Variants in SLFNL1 observed in about 807,000 individuals in gnomAD.
SLFNL1 encodes schlafen-like protein 1.
Under a neutral mutation model 32.5 loss-of-function variants are expected in SLFNL1, and 26 were observed. The ratio of observed to expected loss-of-function variants is 0.80; its 90% CI spans 0.59 to 1.11. The LOEUF is 1.11. Ranked by LOEUF, SLFNL1 falls within the 50% of genes least tolerant of loss-of-function variation. The pLI is 0.00. For synonymous variants in SLFNL1, 255 were observed against 242.2 expected (o/e 1.05, Z -0.49); for missense variants, 553 against 546.5 (o/e 1.01, Z -0.12).
At chr1:41,016,714 ATT>A (rs201378730) in intron 5 of SLFNL1, 48 of 146,034 alleles carry the variant, frequency 3.3e-4, no homozygotes, top group Non-Finnish European at 5.5e-4. Flanking sequence ...ACTGCATAGG[ATT>A]TTTTTTTTTT....
intron 3 of SLFNL1, among the ~76,000 whole-genome samples, chr1:41,018,828 GT>G (rs34061852): frequency 0.11 from 6,514 of 60,206 alleles, 40 homozygotes; most frequent in Middle Eastern, 0.19. Flanking sequence ...CAACCCTCCT[GT>G]TTTTTTTTTT....
chr1:41,016,366 C>T (rs1643326398), intron 5 of SLFNL1, 138 bp from the exon 6 acceptor site: 3 of 1,345,784 alleles, frequency 2.2e-6, no homozygotes, highest in Admixed American at 2.5e-5. Context: ...AAAGTCAGGC[C>T]CCTCGGCCTG....
At position 41,020,514 on chromosome 1, in the gene SLFNL1, G is replaced by A. The variant is rs140351391; in HGVS notation, c.147C>T (p.Leu49=). The part of the protein sequence containing the change: ...DLEEAPSAHT[L]YVGHLNPQFS... ...ACTGGGGGTTCAGATGGCCCACATAGAGAGTGTGCGCCGAGGGAGCCTCCT... is the reference window on the plus strand; with the variant it reads ...ACTGGGGGTTCAGATGGCCCACATAAAGAGTGTGCGCCGAGGGAGCCTCCT... The change falls in exon 3 of 6, where the codon CTC becomes CTT. Residue 49 remains leucine, a synonymous_variant. Coordinates refer to ENST00000302946, the MANE Select transcript of SLFNL1 (RefSeq NM_144990.4). 5.6e-6 allele frequency: 9 copies of A among 1,613,112 alleles called. No homozygotes were observed. Among genetic ancestry groups the A allele is most frequent in the Middle Eastern group, 1.7e-4 (1 of 6,052 alleles).
rs1643399702 is a variant in SLFNL1 at position 41,017,120 on chromosome 1, G to C, written c.1101+114C>G. On this transcript the variant is annotated intron_variant, in intron 5 of 5. Coordinates refer to ENST00000302946, the MANE Select transcript of SLFNL1 (RefSeq NM_144990.4). The surrounding 1 kb of genome is among the most constrained non-coding windows in gnomAD (Gnocchi z 4.9). ...TATTCCAACCCCTTGGGTTCAACGG[G>C]GTGATGCAGGACCCAGGGAACCATG... 2.3e-6 allele frequency: 3 copies of C among 1,308,644 alleles called. No individual in the cohort carries two copies. The South Asian group carries it at 4.6e-5, about 20-fold the overall frequency. 81.1% of individuals were successfully genotyped at this position (1,308,644 alleles called of 1,614,324 possible). A position where few individuals can be genotyped will look rare whatever the true frequency, so the allele number is the denominator to read the frequency against.
At position 41,016,968 on chromosome 1, in the gene SLFNL1, A is replaced by G. The variant is rs895302436; in HGVS notation, c.1101+266T>C. The G allele has an allele frequency of 3.0e-5, 10 of 331,984 alleles. No individual in the cohort carries two copies. The East Asian group carries it at 5.4e-4, about 18-fold the overall frequency. 20.6% of individuals were successfully genotyped at this position (331,984 alleles called of 1,614,324 possible). On this transcript the variant is annotated intron_variant, in intron 5 of 5. Coordinates refer to ENST00000302946, the MANE Select transcript of SLFNL1 (RefSeq NM_144990.4). ...TGTGATCTGTTCGCCTCATCCTCCC[A>G]AAGTGCTGGGATTACAGGCGTGAGC...
rs751023739 is a variant in SLFNL1 at position 41,017,767 on chromosome 1, G to A, written c.825C>T (p.His275=). The change falls in exon 4 of 6, where the codon CAC becomes CAT. Residue 275 remains histidine (H), a synonymous_variant. Transcript: ENST00000302946. The surrounding 1 kb of genome is among the most constrained non-coding windows in gnomAD (Gnocchi z 4.9). The part of the protein sequence containing the change: ...SGLVQGIRCS[H]RDEDRARLLV... ...GCAGGCGTGCGCGGTCCTCGTCACGGTGGCTGCAGCGGATGCCCTGCACCA... is the reference window on the plus strand; with the variant it reads ...GCAGGCGTGCGCGGTCCTCGTCACGATGGCTGCAGCGGATGCCCTGCACCA... 35 of 1,607,684 alleles carry A rather than the reference G, an allele frequency of 2.2e-5. No homozygotes were observed. Among genetic ancestry groups the A allele is most frequent in the Non-Finnish European group, 2.9e-5 (34 of 1,175,910 alleles).
rs1374109131 is a variant in SLFNL1, at chr1:41,017,580, T to C, written c.957+55A>G. ...CCTGGCAGGAGTGCAGGCCATCGTC[T>C]TACTGAGTGATGACAGATGACAGGC... is the stretch of plus-strand genomic sequence containing the variant. On this transcript the variant is annotated intron_variant, in intron 4 of 5. Coordinates refer to ENST00000302946, the MANE Select transcript of SLFNL1 (RefSeq NM_144990.4). This position sits in a 1 kb window ranked among gnomAD's most constrained non-coding sequence, Gnocchi z 4.9. 3.3e-6 allele frequency: 5 copies of C among 1,507,916 alleles called. No homozygotes were observed. The African/African-American group carries it at 5.6e-5, about 17-fold the overall frequency. 93.4% of individuals were successfully genotyped at this position (1,507,916 alleles called of 1,614,324 possible).
intron 3 of SLFNL1, among the ~76,000 whole-genome samples, chr1:41,019,832 T>C (rs1157041336): frequency 6.6e-6 from 1 of 152,160 alleles, no homozygotes; most frequent in African/African-American, 2.4e-5. Context: ...TGGCTGGGCC[T>C]CTCATCCCTG....
chr1:41,016,023 A>C lies in SLFNL1; in HGVS notation c.*83T>G, dbSNP rs1643292321. 20 of 1,520,864 alleles carry C rather than the reference A, an allele frequency of 1.3e-5. No homozygotes were observed. The highest frequency in any genetic ancestry group is 2.6e-5 in the South Asian group (2 of 78,036). The allele number at this position is 1,520,864 out of a possible 1,614,324, so 94.2% of individuals were successfully genotyped here. ...CCTCTCAGCAGCCCGCATGGGCTTT[A>C]CTGGTTGGCCTTACACTCAAACAGG... On this transcript the variant is annotated 3_prime_UTR_variant, in exon 6 of 6. Coordinates refer to ENST00000302946, the MANE Select transcript of SLFNL1 (RefSeq NM_144990.4).
Position 41,017,428 on chromosome 1 carries a change from GC to G in SLFNL1, c.958-52del, listed in dbSNP as rs779484757. 2 of 1,586,402 alleles carry G rather than the reference GC, an allele frequency of 1.3e-6. No homozygotes were observed. Among genetic ancestry groups the G allele is most frequent in the Non-Finnish European group, 8.6e-7 (1 of 1,166,050 alleles). The stretch of plus-strand genomic sequence containing the variant: ...GAGGCGCCGCCCCTCACGGTCGGCA[GC>G]CCCCATCCTGCCAGGCTGCTCAGCA... On this transcript the variant is annotated intron_variant, in intron 4 of 5. Coordinates refer to ENST00000302946, the MANE Select transcript of SLFNL1 (RefSeq NM_144990.4). The surrounding 1 kb of genome is among the most constrained non-coding windows in gnomAD (Gnocchi z 4.9).
intron 3 of SLFNL1, among the ~76,000 whole-genome samples, chr1:41,019,862 G>C (rs574490003): frequency 2.6e-5 from 4 of 152,214 alleles, no homozygotes; most frequent in East Asian, 3.9e-4. Flanking sequence ...TGGCACAGAG[G>C]GGGTGTTCAT....
intron 2 of SLFNL1, 28 bp downstream of exon 2, chr1:41,020,836 G>A: frequency 1.6e-6 from 1 of 626,794 alleles, no homozygotes; most frequent in Non-Finnish European, 2.8e-6. Context: ...GAGGGCAGAG[G>A]GCAAGCAGGA....
rs1368601695 is a variant in SLFNL1, at chr1:41,016,206, T to C, written c.1124A>G (p.Lys375Arg). The change falls in exon 6 of 6, where the codon AAG becomes AGG. Residue 375 changes from lysine (K) to arginine (R), a missense_variant. Transcript: ENST00000302946. ...CAGCGCCTTCATCTTCTCTTCCAGC[T>C]TGCCCAGCTCCACCAGCCACCTCTG... Reference protein sequence around the residue: ...CRQRWLVELGKLEEKMKALMM... With the variant: ...CRQRWLVELGRLEEKMKALMM... 6.2e-7 allele frequency: 1 copy of C among 1,614,002 alleles called. No individual in the cohort carries two copies. The highest frequency in any genetic ancestry group is 8.5e-7 in the Non-Finnish European group (1 of 1,180,026).
intron 5 of SLFNL1, 46 bp from the exon 6 acceptor site, chr1:41,016,274 G>C (rs201344230): frequency 5.0e-6 from 8 of 1,596,686 alleles, no homozygotes; most frequent in Non-Finnish European, 6.0e-6. Flanking sequence ...GCCTGGTCTC[G>C]GGCCTGTCCG....
In SLFNL1 at chr1:41,017,899, G is replaced by A. The variant is rs956989250; in HGVS notation, c.693C>T (p.Ser231=). The change falls in exon 4 of 6, where the codon AGC becomes AGT. Residue 231 remains serine (S), a synonymous_variant. Transcript: ENST00000302946. The surrounding 1 kb of genome is among the most constrained non-coding windows in gnomAD (Gnocchi z 4.9). ...TGAAGGCCAGGCTGAGGTACTCGCC[G>A]CTACCCCGCTTGAACTCCATATTGC... ...ETRNMEFKRG[S]GEYLSLAFKH... is the part of the protein sequence containing the mutation. The A allele has an allele frequency of 6.2e-6, 10 of 1,611,804 alleles. No homozygotes were observed. The highest frequency in any genetic ancestry group is 1.6e-4 in the Middle Eastern group (1 of 6,080).
At chr1:41,019,865 G>T (rs977250203) in intron 3 of SLFNL1, among the ~76,000 whole-genome samples, 2 of 152,352 alleles carry the variant, frequency 1.3e-5, no homozygotes, top group East Asian at 1.9e-4. Context: ...CACAGAGGGG[G>T]TGTTCATGTT....
At position 41,020,496 on chromosome 1, in the gene SLFNL1, G is replaced by T. The variant is rs1157616832; in HGVS notation, c.165C>A (p.Asn55Lys). 2 of 1,613,346 alleles carry T rather than the reference G, an allele frequency of 1.2e-6. No individual in the cohort carries two copies. The highest frequency in any genetic ancestry group is 1.7e-6 in the Non-Finnish European group (2 of 1,180,038). The change falls in exon 3 of 6, where the codon AAC becomes AAA. Residue 55 changes from asparagine to lysine, a missense_variant. Asn to Lys is a moderately conservative substitution (Grantham distance 94). Transcript: ENST00000302946. ...SAHTLYVGHL[N>K]PQFSVPVLAC... The stretch of plus-strand genomic sequence containing the variant: ...CAAGCACCGGCACTGAGAACTGGGG[G>T]TTCAGATGGCCCACATAGAGAGTGT...
Position 41,018,090 on chromosome 1 carries a change from G to A in SLFNL1, c.502C>T (p.Leu168=), listed in dbSNP as rs1249541750. 1 of 1,555,426 alleles carries A rather than the reference G, an allele frequency of 6.4e-7. No homozygotes were observed. Among genetic ancestry groups the A allele is most frequent in the Non-Finnish European group, 8.7e-7 (1 of 1,145,872 alleles). Residue 168 remains leucine, a synonymous_variant, in exon 4 of 6, where the codon CTG becomes TTG. Coordinates refer to ENST00000302946, the MANE Select transcript of SLFNL1 (RefSeq NM_144990.4). ...PGPSPGSGVP[L]PTWPTHTLPD... is the part of the protein sequence containing the mutation. ...AGCGTGTGTGTAGGCCAGGTGGGCA[G>A]CGGGACACCAGAGCCTGGACTGGGG...
rs1391218171 is a variant in SLFNL1 at position 41,017,236 on chromosome 1, G to T, written c.1099C>A (p.Gln367Lys). ...SASAIQEWCRQRWLVELGKLE... is the reference protein window; with the variant it reads ...SASAIQEWCRKRWLVELGKLE... ...CCCACTGGCCTCAGCTTCCGTACCT[G>T]CCTGCACCACTCCTGGATGGCGCTG... Residue 367 changes from glutamine (Q) to lysine (K), a missense_variant and splice_region_variant, in exon 5 of 6, where the codon CAG (glutamine) becomes AAG (lysine). Coordinates refer to ENST00000302946, the MANE Select transcript of SLFNL1 (RefSeq NM_144990.4). This position sits in a 1 kb window ranked among gnomAD's most constrained non-coding sequence, Gnocchi z 4.9. The T allele has an allele frequency of 1.9e-6, 3 of 1,570,074 alleles. No individual in the cohort carries two copies. Among genetic ancestry groups the T allele is most frequent in the Admixed American group, 1.8e-5 (1 of 54,086 alleles).
Sources: gnomAD v4.1 joint callset for allele counts (sites outside exome capture counted in the v4.1 genomes callset) on GRCh38, gnomAD v4.1.1 for gene constraint, Gnocchi (gnomAD v3.1) non-coding constraint, MANE v1.5 for transcripts, NCBI Gene and HGNC (gene_info 2026-07-23, HGNC 2026-07-21) for gene names.